Variants in TMEM65 observed in about 807,000 individuals in gnomAD.
TMEM65 encodes transmembrane protein 65.
Under a neutral mutation model 25.4 loss-of-function variants are expected in TMEM65, and 22 were observed. The ratio of observed to expected loss-of-function variants is 0.86; its 90% CI spans 0.62 to 1.23. The LOEUF is 1.23. Ranked by LOEUF, TMEM65 falls within the 50% of genes most tolerant of loss-of-function variation. The pLI, the probability that TMEM65 is intolerant of heterozygous loss-of-function variation, is 0.00. For missense variants in TMEM65, 262 were observed against 308.2 expected (o/e 0.85, Z 1.12); for synonymous variants, 132 against 126.2 (o/e 1.05, Z -0.31).
intron 1 of TMEM65, among the ~76,000 whole-genome samples, chr8:124,336,794 T>C (rs1814513591): frequency 6.6e-6 from 1 of 151,792 alleles, no homozygotes; most frequent in Non-Finnish European, 1.5e-5. Context: ...ATAAACTAAG[T>C]AGTAGAAAGA....
At chr8:124,341,593 A>G (rs973678862) in intron 1 of TMEM65, among the ~76,000 whole-genome samples, 4 of 151,990 alleles carry the variant, frequency 2.6e-5, no homozygotes, top group African/African-American at 7.2e-5. Flanking sequence ...TGTTGCTTTT[A>G]TTGGGTGTTT....
At chr8:124,336,937 G>C (rs1814515592) in intron 1 of TMEM65, among the ~76,000 whole-genome samples, 1 of 151,652 alleles carries the variant, frequency 6.6e-6, no homozygotes, top group African/African-American at 2.4e-5. Flanking sequence ...AATGAAAGAA[G>C]GGGCATCATT....
At chr8:124,338,625 T>C (rs1814541255) in intron 1 of TMEM65, among the ~76,000 whole-genome samples, 1 of 152,156 alleles carries the variant, frequency 6.6e-6, no homozygotes, top group Non-Finnish European at 1.5e-5. Context: ...TTCCAATACA[T>C]AGAACAAAAC....
chr8:124,313,730 TA>T lies in TMEM65; in HGVS notation c.*229del, dbSNP rs2131191063. 2.2e-6 allele frequency: 1 copy of T among 449,102 alleles called. No individual in the cohort carries two copies. The highest frequency in any genetic ancestry group is 2.0e-5 in the African/African-American group (1 of 49,998). The allele number at this position is 449,102 out of a possible 1,614,324, so 27.8% of individuals were successfully genotyped here. A position where few individuals can be genotyped will look rare whatever the true frequency, so the allele number is the denominator to read the frequency against. Reference sequence around the variant, plus strand: ...AAAGAAAGGATAAAATGTTGACTGCTATTGATGAAAAAGCATTTCAACAATA... The same window carrying T: ...AAAGAAAGGATAAAATGTTGACTGCTTTGATGAAAAAGCATTTCAACAATA... On this transcript the variant is annotated 3_prime_UTR_variant, in exon 7 of 7. Transcript: ENST00000297632.
At chr8:124,365,154 CAAAT>C (rs1396407897) in intron 1 of TMEM65, among the ~76,000 whole-genome samples, 3 of 151,928 alleles carry the variant, frequency 2.0e-5, no homozygotes, top group Admixed American at 6.6e-5. Flanking sequence ...CAATTTGTCA[CAAAT>C]AAAAAATAGG....
chr8:124,355,789 A>G (rs1814771600), intron 1 of TMEM65, among the ~76,000 whole-genome samples: 1 of 152,238 alleles, frequency 6.6e-6, no homozygotes, highest in South Asian at 2.1e-4. Context: ...GACAGACAGG[A>G]TCTTAGTACT....
intron 1 of TMEM65, among the ~76,000 whole-genome samples, chr8:124,336,554 G>T (rs1414331128): frequency 6.6e-6 from 1 of 151,760 alleles, no homozygotes; most frequent in Admixed American, 6.6e-5. Flanking sequence ...AACAAATTTG[G>T]AAATTAAACA....
At chr8:124,346,987 A>G (rs1456349222) in intron 1 of TMEM65, among the ~76,000 whole-genome samples, 1 of 152,244 alleles carries the variant, frequency 6.6e-6, no homozygotes, top group Non-Finnish European at 1.5e-5. Flanking sequence ...AAACCATGTT[A>G]TAAGTAAAAT....
At chr8:124,354,307 G>C (rs928700909) in intron 1 of TMEM65, among the ~76,000 whole-genome samples, 1 of 152,154 alleles carries the variant, frequency 6.6e-6, no homozygotes, top group Non-Finnish European at 1.5e-5. Context: ...AAGAATTACT[G>C]AGATAATTGG....
At position 124,327,539 on chromosome 8, in the gene TMEM65, C is replaced by G. The variant is rs1381906873; in HGVS notation, c.350-118G>C. 4 of 646,268 alleles carry G rather than the reference C, an allele frequency of 6.2e-6. No individual in the cohort carries two copies. The Admixed American group carries it at 1.2e-4, about 19-fold the overall frequency. 40.0% of individuals were successfully genotyped at this position (646,268 alleles called of 1,614,324 possible). A position where few individuals can be genotyped will look rare whatever the true frequency, so the allele number is the denominator to read the frequency against. The stretch of plus-strand genomic sequence containing the variant: ...ACTTGATAATCTCTAGAATTTGATT[C>G]TCATTTTCCAGAGCCAATAGATGCT... On this transcript the variant is annotated intron_variant, in intron 2 of 6. Coordinates refer to ENST00000297632, the MANE Select transcript of TMEM65 (RefSeq NM_194291.3).
chr8:124,315,506 A>G (rs1814225019), intron 6 of TMEM65, among the ~76,000 whole-genome samples: 1 of 152,026 alleles, frequency 6.6e-6, no homozygotes, highest in South Asian at 2.1e-4. Flanking sequence ...TATTTTTAGT[A>G]GAGCCGGGGT....
chr8:124,314,151 A>G, intron 6 of TMEM65, 90 bp from the exon 7 acceptor site: 8 of 984,472 alleles, frequency 8.1e-6, no homozygotes, highest in Non-Finnish European at 1.3e-5. Flanking sequence ...TTCTCAATAT[A>G]TTTGGATTTG....
chr8:124,324,176 C>T (rs1297357213), intron 3 of TMEM65, among the ~76,000 whole-genome samples: 1 of 152,082 alleles, frequency 6.6e-6, no homozygotes, highest in Non-Finnish European at 1.5e-5. Context: ...CTCTTGAATA[C>T]TGATGCTTGA....
At chr8:124,334,725 C>T (rs1814482930) in intron 1 of TMEM65, among the ~76,000 whole-genome samples, 1 of 134,834 alleles carries the variant, frequency 7.4e-6, no homozygotes, top group Non-Finnish European at 1.5e-5. Context: ...GATCACACTA[C>T]TGCACTCCAG....
chr8:124,319,600 C>T (rs1586456114), intron 6 of TMEM65, among the ~76,000 whole-genome samples: 2 of 151,898 alleles, frequency 1.3e-5, no homozygotes, highest in East Asian at 3.9e-4. Context: ...GTAAATGTCT[C>T]ATCTATAATT....
chr8:124,351,376 T>C (rs1814705790), intron 1 of TMEM65, among the ~76,000 whole-genome samples: 1 of 152,130 alleles, frequency 6.6e-6, no homozygotes, highest in Non-Finnish European at 1.5e-5. Context: ...AACTCTCTTA[T>C]TGACAGGTAT....
chr8:124,353,594 G>T (rs1814740014), intron 1 of TMEM65, among the ~76,000 whole-genome samples: 1 of 151,738 alleles, frequency 6.6e-6, no homozygotes, highest in South Asian at 2.1e-4. Flanking sequence ...AATCTACACT[G>T]AGAAAAAAAA....
At chr8:124,366,507 C>T (rs1814939470) in intron 1 of TMEM65, among the ~76,000 whole-genome samples, 1 of 152,128 alleles carries the variant, frequency 6.6e-6, no homozygotes, top group African/African-American at 2.4e-5. Flanking sequence ...AAACAGCATC[C>T]AGCTGAGCCC....
Position 124,313,823 on chromosome 8 carries a change from AGT to A in TMEM65, c.*135_*136del. The stretch of plus-strand genomic sequence containing the variant: ...TAAGAAGATCAAGCCACAATAAGTT[AGT>A]GTTTTCCATAATACATGCTAAATTA... On this transcript the variant is annotated 3_prime_UTR_variant, in exon 7 of 7. Transcript: ENST00000297632. 1.6e-6 allele frequency: 1 copy of A among 621,518 alleles called. No individual in the cohort carries two copies. 38.5% of individuals were successfully genotyped at this position (621,518 alleles called of 1,614,324 possible). A position where few individuals can be genotyped will look rare whatever the true frequency, so the allele number is the denominator to read the frequency against.
Sources: allele counts gnomAD v4.1 joint callset (sites outside exome capture counted in the v4.1 genomes callset), GRCh38; gene constraint gnomAD v4.1.1; transcripts MANE v1.5; gene names NCBI Gene and HGNC (gene_info 2026-07-23, HGNC 2026-07-21).